The following GMDS variants were observed in gnomAD, a reference collection of about 807,000 sequenced individuals.
GMDS encodes the protein GDP-mannose 4,6-dehydratase, also known as GDP-mannose 4,6 dehydratase.
GMDS carries 20 observed loss-of-function variants against 49.9 expected under a neutral mutation model. The observed-to-expected ratio is 0.40, with a 90% CI of 0.28 to 0.58. The LOEUF is 0.58. GMDS is among the 20% of genes least tolerant of loss of function. The pLI, the probability that GMDS is intolerant of heterozygous loss-of-function variation, is 0.42. For missense variants in GMDS, 362 were observed against 481.4 expected, an observed-to-expected ratio of 0.75 and a Z score of 2.32; for synonymous variants, 177 against 178.6, an observed-to-expected ratio of 0.99 and a Z score of 0.07.
At chr6:2,050,169 C>T (rs1340397985) in intron 4 of GMDS, among the ~76,000 whole-genome samples, 5 of 151,926 alleles carry the variant, frequency 3.3e-5, no homozygotes, top group South Asian at 2.1e-4. Context: ...ATCGAATAGA[C>T]GCAATAAAAA....
intron 9 of GMDS, among the ~76,000 whole-genome samples, chr6:1,651,734 T>C (rs11242711): frequency 0.57 from 86,743 of 152,068 alleles, 25,693 homozygotes; most frequent in Middle Eastern, 0.65. Context: ...TCTCCATCCT[T>C]AGATAGACCC....
At position 1,624,036 on chromosome 6, in the gene GMDS, G is replaced by C. The variant is rs1762768223; in HGVS notation, c.*133C>G. 1.3e-6 allele frequency: 1 copy of C among 756,340 alleles called. No individual in the cohort carries two copies. Among genetic ancestry groups the C allele is most frequent in the African/African-American group, 1.7e-5 (1 of 57,506 alleles). The allele number at this position is 756,340 out of a possible 1,614,324, so 46.9% of individuals were successfully genotyped here. A position where few individuals can be genotyped will look rare whatever the true frequency, so the allele number is the denominator to read the frequency against. ...CGGGGCGGCCCCGCTCTTGCGGCCG[G>C]GACAGCGCAGCGGCAGCAGGGGCCG... is the stretch of plus-strand genomic sequence containing the variant. On this transcript the variant is annotated 3_prime_UTR_variant, in exon 11 of 11. Transcript: ENST00000380815.
chr6:1,864,460 C>T (rs888385775), intron 7 of GMDS, among the ~76,000 whole-genome samples: 1 of 152,148 alleles, frequency 6.6e-6, no homozygotes, highest in Admixed American at 6.6e-5. Flanking sequence ...GATCAGACTA[C>T]TAGTCAAAAC....
At chr6:1,702,460 G>C (rs754359078) in intron 9 of GMDS, among the ~76,000 whole-genome samples, 92 of 151,808 alleles carry the variant, frequency 6.1e-4, no homozygotes, top group African/African-American at 2.2e-3. Flanking sequence ...ATTCTGGCTC[G>C]GTTTTATAAT....
intron 9 of GMDS, among the ~76,000 whole-genome samples, chr6:1,724,840 G>T (rs546494023): frequency 1.3e-5 from 2 of 152,100 alleles, no homozygotes; most frequent in Non-Finnish European, 2.9e-5. Context: ...CATTAGCACC[G>T]GGAACAATGG....
intron 7 of GMDS, among the ~76,000 whole-genome samples, chr6:1,878,096 G>A (rs1216957741): frequency 9.9e-5 from 15 of 152,132 alleles, no homozygotes; most frequent in Admixed American, 8.5e-4. Context: ...GGCAGATCAC[G>A]AAGTCAGGAG....
chr6:2,190,471 G>A (rs1474798315), intron 1 of GMDS, among the ~76,000 whole-genome samples: 1 of 152,208 alleles, frequency 6.6e-6, no homozygotes, highest in African/African-American at 2.4e-5. Flanking sequence ...GACAAGTCAT[G>A]TTTTTGCTCA....
intron 4 of GMDS, among the ~76,000 whole-genome samples, chr6:1,984,548 C>G (rs1055709768): frequency 2.0e-5 from 3 of 152,132 alleles, no homozygotes; most frequent in Non-Finnish European, 4.4e-5. Context: ...TCCTAGTGAC[C>G]CTAATGTCCT....
chr6:2,111,717 A>C (rs1774553396), intron 4 of GMDS, among the ~76,000 whole-genome samples: 1 of 152,176 alleles, frequency 6.6e-6, no homozygotes, highest in Non-Finnish European at 1.5e-5. Flanking sequence ...TTTCAAAAGG[A>C]CACCAAACCA....
Position 1,778,323 on chromosome 6 carries a change from T to C in GMDS, c.772-35737A>G, listed in dbSNP as rs532474825. Among the ~76,000 whole-genome samples, 4 of 152,296 alleles carry C rather than the reference T, an allele frequency of 2.6e-5. No individual in the cohort carries two copies. In the South Asian group the frequency reaches 6.2e-4, roughly 24 times the overall value. On this transcript the variant is annotated intron_variant, in intron 7 of 10. Transcript: ENST00000380815. This position sits in a 1 kb window ranked among gnomAD's most constrained non-coding sequence, Gnocchi z 4.6. The stretch of plus-strand genomic sequence containing the variant: ...AATGCAAAAGTGACAATGTGGATAA[T>C]TGCCTGTTTAGGATAATGGAATACT...
At chr6:1,863,423 T>A (rs1758288152) in intron 7 of GMDS, among the ~76,000 whole-genome samples, 1 of 152,188 alleles carries the variant, frequency 6.6e-6, no homozygotes, top group Non-Finnish European at 1.5e-5. Flanking sequence ...TCTAAGGTAT[T>A]ATGTAATGTG....
intron 6 of GMDS, among the ~76,000 whole-genome samples, chr6:1,954,154 CA>C (rs1190207232): frequency 2.0e-5 from 3 of 152,174 alleles, no homozygotes; most frequent in African/African-American, 7.2e-5. Flanking sequence ...GGGAGATACA[CA>C]ATTTCAGGTT....
At chr6:1,736,893 G>A (rs900757738) in intron 8 of GMDS, among the ~76,000 whole-genome samples, 10 of 152,214 alleles carry the variant, frequency 6.6e-5, no homozygotes, top group African/African-American at 1.4e-4. Flanking sequence ...GCAAATTCCC[G>A]AGGAATGCAT....
In GMDS at chr6:1,657,374, G is replaced by A. The variant is rs559871687; in HGVS notation, c.988-32834C>T. ...TGCACTTAGGCAGGTGCTGAAATGA[G>A]AGAGGCTGTGCCTGAAGACAGCAGG... On this transcript the variant is annotated intron_variant, in intron 9 of 10. Coordinates refer to ENST00000380815, the MANE Select transcript of GMDS (RefSeq NM_001500.4). Among the ~76,000 whole-genome samples, 7 of 152,336 alleles carry A rather than the reference G, an allele frequency of 4.6e-5. No homozygotes were observed. In the South Asian group the frequency reaches 1.0e-3, roughly 23 times the overall value.
intron 7 of GMDS, among the ~76,000 whole-genome samples, chr6:1,824,346 C>T (rs1294563855): frequency 2.0e-5 from 3 of 152,150 alleles, no homozygotes; most frequent in Non-Finnish European, 4.4e-5. Flanking sequence ...TTCAGGTGTG[C>T]ACTTCTACAC....
chr6:2,133,683 C>T (rs758850652), intron 1 of GMDS, among the ~76,000 whole-genome samples: 17 of 152,078 alleles, frequency 1.1e-4, no homozygotes, highest in African/African-American at 4.1e-4. Flanking sequence ...AAGTTAAGAA[C>T]TGTGATTTTG....
At chr6:2,065,564 A>G (rs1052251049) in intron 4 of GMDS, among the ~76,000 whole-genome samples, 1 of 152,216 alleles carries the variant, frequency 6.6e-6, no homozygotes, top group African/African-American at 2.4e-5. Flanking sequence ...ACCAATACAG[A>G]GAAGTGCTTA....
rs183078628 is a variant in GMDS, at chr6:2,152,694, G to T, written c.103-27963C>A. The stretch of plus-strand genomic sequence containing the variant: ...TCCACTGTACTCTAATTAACTTTAA[G>T]TTTAATTAAACAACAAGTTACAAAA... On this transcript the variant is annotated intron_variant, in intron 1 of 10. Coordinates refer to ENST00000380815, the MANE Select transcript of GMDS (RefSeq NM_001500.4). Among the ~76,000 whole-genome samples the T allele has an allele frequency of 2.0e-5, 3 of 152,070 alleles. No homozygotes were observed. The East Asian group carries it at 5.8e-4, about 29-fold the overall frequency.
At chr6:2,059,146 A>T (rs1581586637) in intron 4 of GMDS, among the ~76,000 whole-genome samples, 1 of 126,286 alleles carries the variant, frequency 7.9e-6, no homozygotes, top group African/African-American at 3.0e-5. Flanking sequence ...TCTGCACTCC[A>T]GCCTGGGCGA....
Sources: gnomAD v4.1 joint callset for allele counts (sites outside exome capture counted in the v4.1 genomes callset) on GRCh38, gnomAD v4.1.1 for gene constraint, Gnocchi (gnomAD v3.1) non-coding constraint, MANE v1.5 for transcripts, NCBI Gene and HGNC (gene_info 2026-07-23, HGNC 2026-07-21) for gene names.